Variants in NXPH1 observed in about 807,000 individuals in gnomAD.
NXPH1 encodes the protein neurexophilin 1, also known as neurexophilin-1.
Under a neutral mutation model 23.7 loss-of-function variants are expected in NXPH1, and 5 were observed. The observed-to-expected ratio is 0.21, with a 90% CI of 0.11 to 0.44. NXPH1 has a LOEUF of 0.44. Among genes scored for constraint, NXPH1 ranks in the 20% least tolerant of loss-of-function variants. The probability of loss-of-function intolerance (pLI) is 0.99; values close to 1 mark genes in which losing one functional copy is unlikely to be tolerated. For missense variants in NXPH1, 324 were observed against 321.6 expected, an observed-to-expected ratio of 1.01 and a Z score of -0.06; for synonymous variants, 144 against 122.2, an observed-to-expected ratio of 1.18 and a Z score of -1.18.
chr7:8,556,016 T>C (rs1013225915), intron 2 of NXPH1, among the ~76,000 whole-genome samples: 2 of 151,712 alleles, frequency 1.3e-5, no homozygotes, highest in Non-Finnish European at 1.5e-5. Context: ...CTAACTATAA[T>C]ATAGGCTCTT....
intron 2 of NXPH1, among the ~76,000 whole-genome samples, chr7:8,608,322 T>G (rs1330447711): frequency 7.1e-6 from 1 of 140,822 alleles, no homozygotes; most frequent in Non-Finnish European, 1.6e-5. Flanking sequence ...TTCTTAAAAA[T>G]TCAGTGATTT....
At chr7:8,709,250 G>A (rs1779750607) in intron 2 of NXPH1, among the ~76,000 whole-genome samples, 1 of 152,040 alleles carries the variant, frequency 6.6e-6, no homozygotes, top group Non-Finnish European at 1.5e-5. Context: ...AGTCCTCTTT[G>A]AAAGTACTTT....
Position 8,689,575 on chromosome 7 carries a change from C to T in NXPH1, c.55-61433C>T, listed in dbSNP as rs141578310. Reference sequence around the variant, plus strand: ...GGGTGTAGGAGAGTGCCTTCTGGAACGGAGGCCTTTGGTAGAAGAATGAAG... The same window carrying T: ...GGGTGTAGGAGAGTGCCTTCTGGAATGGAGGCCTTTGGTAGAAGAATGAAG... On this transcript the variant is annotated intron_variant, in intron 2 of 2. Transcript: ENST00000405863. Among the ~76,000 whole-genome samples, 670 of 152,192 alleles carry T rather than the reference C, an allele frequency of 4.4e-3. 1 individual carries two copies. The highest frequency in any genetic ancestry group is 6.8e-3 in the Non-Finnish European group (460 of 67,994).
intron 2 of NXPH1, among the ~76,000 whole-genome samples, chr7:8,710,747 C>T (rs1297285260): frequency 8.4e-6 from 1 of 119,340 alleles, no homozygotes; most frequent in Non-Finnish European, 1.6e-5. Flanking sequence ...ACTGCAAGCT[C>T]CGCTTCCCGG....
rs1307047068 is a variant in NXPH1 at position 8,728,025 on chromosome 7, T to G, written c.55-22983T>G. On this transcript the variant is annotated intron_variant, in intron 2 of 2. Coordinates refer to ENST00000405863, the MANE Select transcript of NXPH1 (RefSeq NM_152745.3). Reference sequence around the variant, plus strand: ...CTCTTTTATTTCCTTGAGCAGTGGTTTGTAGTTCTCCTTGAAGAGGTCCTT... The same window carrying G: ...CTCTTTTATTTCCTTGAGCAGTGGTGTGTAGTTCTCCTTGAAGAGGTCCTT... Among the ~76,000 whole-genome samples, 5 of 150,828 alleles carry G rather than the reference T, an allele frequency of 3.3e-5. No individual in the cohort carries two copies. In the East Asian group the frequency reaches 7.8e-4, roughly 23 times the overall value.
At chr7:8,521,255 C>T (rs1034850004) in intron 2 of NXPH1, among the ~76,000 whole-genome samples, 14 of 152,170 alleles carry the variant, frequency 9.2e-5, no homozygotes, top group African/African-American at 3.4e-4. Context: ...TGCTTGGCAT[C>T]ACTGATGTCC....
intron 2 of NXPH1, among the ~76,000 whole-genome samples, chr7:8,602,509 C>T (rs781603375): frequency 2.6e-5 from 4 of 152,202 alleles, no homozygotes; most frequent in Non-Finnish European, 4.4e-5. Context: ...CATTATCCAT[C>T]TGGCTAAGGC....
intron 2 of NXPH1, among the ~76,000 whole-genome samples, chr7:8,482,860 A>G (rs1817097942): frequency 6.6e-6 from 1 of 152,186 alleles, no homozygotes; most frequent in South Asian, 2.1e-4. Context: ...GAATGGTTAG[A>G]AGAATTGTCA....
intron 2 of NXPH1, among the ~76,000 whole-genome samples, chr7:8,635,641 A>G (rs891608189): frequency 6.6e-6 from 1 of 152,220 alleles, no homozygotes; most frequent in African/African-American, 2.4e-5. Flanking sequence ...GACTGTGATG[A>G]CACCGGGTCT....
chr7:8,634,665 GTTTTTTTTTTTTTTTTT>G (rs144810873), intron 2 of NXPH1, among the ~76,000 whole-genome samples: 4 of 95,684 alleles, frequency 4.2e-5, no homozygotes, highest in Non-Finnish European at 6.3e-5. Context: ...GTCCAGAAGA[GTTTTTTTTTTTTTTTTT>G]TTTTTTTTTT....
At chr7:8,546,129 A>G (rs895757263) in intron 2 of NXPH1, among the ~76,000 whole-genome samples, 1 of 151,410 alleles carries the variant, frequency 6.6e-6, no homozygotes, top group Non-Finnish European at 1.5e-5. Flanking sequence ...TTTTGTGGCT[A>G]GGTACTTTAG....
chr7:8,642,162 A>AAGATCCTTTATACGGGTACTTTGC (rs1391300355), intron 2 of NXPH1, among the ~76,000 whole-genome samples: 1 of 152,198 alleles, frequency 6.6e-6, no homozygotes, highest in African/African-American at 2.4e-5. Context: ...GGGTGTTTTG[A>AAGATCCTTTATACGGGTACTTTGC]AGATCCTTTT....
At chr7:8,745,845 G>A (rs189108081) in intron 2 of NXPH1, among the ~76,000 whole-genome samples, 1 of 151,472 alleles carries the variant, frequency 6.6e-6, no homozygotes, top group Non-Finnish European at 1.5e-5. Flanking sequence ...AGGATTTCAG[G>A]CGAGAGCTAC....
chr7:8,506,496 C>T (rs2189904), intron 2 of NXPH1, among the ~76,000 whole-genome samples: 35,448 of 151,940 alleles, frequency 0.23, 4,340 homozygotes, highest in East Asian at 0.3. Context: ...GAATACCTAC[C>T]TTTGGTTGCT....
At chr7:8,499,623 A>G (rs1584195245) in intron 2 of NXPH1, among the ~76,000 whole-genome samples, 1 of 152,218 alleles carries the variant, frequency 6.6e-6, no homozygotes, top group Non-Finnish European at 1.5e-5. Flanking sequence ...CAGGTTCCAC[A>G]CAGAAATGCT....
At chr7:8,535,584 C>T (rs1233576145) in intron 2 of NXPH1, among the ~76,000 whole-genome samples, 4 of 151,476 alleles carry the variant, frequency 2.6e-5, no homozygotes, top group African/African-American at 7.3e-5. Context: ...CAAGACCCTG[C>T]TGTCATGGTG....
intron 2 of NXPH1, among the ~76,000 whole-genome samples, chr7:8,570,656 C>A (rs1422488442): frequency 6.6e-6 from 1 of 151,798 alleles, no homozygotes; most frequent in African/African-American, 2.4e-5. Context: ...AGGAGTTATG[C>A]AGGCAAAGAT....
intron 2 of NXPH1, among the ~76,000 whole-genome samples, chr7:8,526,775 C>T (rs1450870943): frequency 6.6e-6 from 1 of 152,176 alleles, no homozygotes; most frequent in Non-Finnish European, 1.5e-5. Flanking sequence ...GAGGCCTCCC[C>T]AGCCATGTGG....
At chr7:8,536,833 T>C (rs1027931477) in intron 2 of NXPH1, among the ~76,000 whole-genome samples, 1 of 151,978 alleles carries the variant, frequency 6.6e-6, no homozygotes, top group African/African-American at 2.4e-5. Context: ...AGGATTTGTT[T>C]TATGGATACA....
Sources: allele counts gnomAD v4.1 joint callset (sites outside exome capture counted in the v4.1 genomes callset), GRCh38; gene constraint gnomAD v4.1.1; transcripts MANE v1.5; gene names NCBI Gene and HGNC (gene_info 2026-07-23, HGNC 2026-07-21).